The following OCA2 variants were observed in gnomAD, a reference collection of about 807,000 sequenced individuals.
The protein encoded by OCA2 is P protein.
OCA2 carries 77 observed loss-of-function variants against 100.2 expected under a neutral mutation model. The ratio of observed to expected loss-of-function variants is 0.77; its 90% confidence interval spans 0.64 to 0.93. The LOEUF (loss-of-function observed/expected upper bound fraction) is 0.93, where lower values mean the gene tolerates loss of function less well. OCA2 is among the 40% of genes least tolerant of loss of function. The probability of loss-of-function intolerance (pLI) is 0.00; values close to 1 mark genes in which losing one functional copy is unlikely to be tolerated. For synonymous variants in OCA2, 432 were observed against 439.2 expected (o/e 0.98, Z 0.21); for missense variants, 1,062 against 1,089.1 (o/e 0.98, Z 0.35).
At chr15:27,834,833 G>A (rs895072091) in intron 23 of OCA2, among the ~76,000 whole-genome samples, 55 of 152,152 alleles carry the variant, frequency 3.6e-4, no homozygotes, top group African/African-American at 1.3e-3. Flanking sequence ...CGGTAAACAC[G>A]AGGTGCTGCA....
intron 1 of OCA2, among the ~76,000 whole-genome samples, chr15:28,084,676 A>G (rs1032515472): frequency 4.6e-5 from 7 of 152,128 alleles, no homozygotes; most frequent in Non-Finnish European, 2.9e-5. Flanking sequence ...TGCCAAGGTC[A>G]CTCAGTGCAG....
intron 19 of OCA2, among the ~76,000 whole-genome samples, chr15:27,896,848 A>C (rs529750667): frequency 6.6e-6 from 1 of 152,216 alleles, no homozygotes; most frequent in Non-Finnish European, 1.5e-5. Flanking sequence ...GAGAAGCCGA[A>C]TGTTAATTCC....
At position 27,772,570 on chromosome 15, in the gene OCA2, C is replaced by T. The variant is rs144338035; in HGVS notation, c.2433-17098G>A. 7.1e-3 allele frequency among the ~76,000 whole-genome samples: 1,079 copies of T among 151,952 alleles called. 18 individuals carry two copies. The highest frequency in any genetic ancestry group is 0.025 in the African/African-American group (1,029 of 41,448). On this transcript the variant is annotated intron_variant, in intron 23 of 23. Coordinates refer to ENST00000354638, the MANE Select transcript of OCA2 (RefSeq NM_000275.3). ...GAAAATGGAGAGAACTGGCCGGGCA[C>T]GGTGGCTCACGCCTGTAATCCCAGC... is the stretch of plus-strand genomic sequence containing the variant.
At chr15:27,793,174 G>A (rs145200184) in intron 23 of OCA2, among the ~76,000 whole-genome samples, 9 of 152,284 alleles carry the variant, frequency 5.9e-5, no homozygotes, top group African/African-American at 1.7e-4. Flanking sequence ...ACTCAAAGCC[G>A]GCATCATCTA....
intron 18 of OCA2, among the ~76,000 whole-genome samples, chr15:27,933,016 C>G (rs557399881): frequency 6.6e-6 from 1 of 151,948 alleles, no homozygotes; most frequent in African/African-American, 2.4e-5. Flanking sequence ...TATAGAGCCC[C>G]GAAATAAACA....
At chr15:27,815,984 A>T (rs995886581) in intron 23 of OCA2, among the ~76,000 whole-genome samples, 1 of 152,174 alleles carries the variant, frequency 6.6e-6, no homozygotes, top group Non-Finnish European at 1.5e-5. Flanking sequence ...ATACAAAAAA[A>T]TTAGCCAGGC....
In OCA2 at chr15:27,980,252, A is replaced by G. The variant is rs1245346120; in HGVS notation, c.1503+3093T>C. Among the ~76,000 whole-genome samples, 8 of 151,592 alleles carry G rather than the reference A, an allele frequency of 5.3e-5. 1 individual carries two copies. Among genetic ancestry groups the G allele is most frequent in the Non-Finnish European group, 1.2e-4 (8 of 67,870 alleles). ...ACGCCATTCTCCTGCCTCAGCCTCCAGAGTAGCTGGGACTACAGGCACCCA... is the reference window on the plus strand; with the variant it reads ...ACGCCATTCTCCTGCCTCAGCCTCCGGAGTAGCTGGGACTACAGGCACCCA... On this transcript the variant is annotated intron_variant, in intron 14 of 23. Transcript: ENST00000354638.
chr15:27,865,048 C>T (rs970495008), intron 21 of OCA2, among the ~76,000 whole-genome samples: 2 of 151,906 alleles, frequency 1.3e-5, no homozygotes, highest in Non-Finnish European at 2.9e-5. Context: ...ATATCCTGAA[C>T]AAATGTGAAC....
intron 14 of OCA2, among the ~76,000 whole-genome samples, chr15:27,969,441 G>A (rs1175988460): frequency 6.6e-6 from 1 of 152,194 alleles, no homozygotes; most frequent in East Asian, 1.9e-4. Context: ...TTAGGCGCAG[G>A]TATCTGGGAC....
intron 3 of OCA2, among the ~76,000 whole-genome samples, chr15:28,030,106 A>G (rs1180481836): frequency 3.3e-5 from 5 of 152,248 alleles, no homozygotes; most frequent in African/African-American, 1.2e-4. Context: ...TTTTGTCTTA[A>G]AAGTTATTGA....
downstream of OCA2, among the ~76,000 whole-genome samples, chr15:27,750,856 A>T (rs2030042177): frequency 6.6e-6 from 1 of 152,226 alleles, no homozygotes; most frequent in Admixed American, 6.5e-5. Flanking sequence ...GAAGCTTGAC[A>T]TAGAAACCTG....
At chr15:27,864,069 G>A (rs985010518) in intron 21 of OCA2, among the ~76,000 whole-genome samples, 4 of 152,100 alleles carry the variant, frequency 2.6e-5, no homozygotes, top group Non-Finnish European at 2.9e-5. Flanking sequence ...GGCCGGCAGT[G>A]CCCCTCTGAG....
intron 2 of OCA2, among the ~76,000 whole-genome samples, chr15:28,081,133 A>G (rs1566877399): frequency 1.3e-5 from 2 of 152,172 alleles, no homozygotes; most frequent in African/African-American, 4.8e-5. Context: ...ACTATTGGGT[A>G]CCATGCTGAC....
At chr15:27,851,071 G>A (rs924967068) in intron 22 of OCA2, among the ~76,000 whole-genome samples, 5 of 152,206 alleles carry the variant, frequency 3.3e-5, no homozygotes, top group African/African-American at 1.2e-4. Context: ...GATGGCTTCT[G>A]ATTCAAAATC....
At chr15:28,083,008 G>A (rs2044701200) in intron 1 of OCA2, among the ~76,000 whole-genome samples, 1 of 152,198 alleles carries the variant, frequency 6.6e-6, no homozygotes, top group African/African-American at 2.4e-5. Context: ...TGCTGTCCAG[G>A]GTTGCTGGGA....
chr15:27,987,959 A>G (rs1470600856), intron 11 of OCA2, among the ~76,000 whole-genome samples: 1 of 152,216 alleles, frequency 6.6e-6, no homozygotes, highest in Non-Finnish European at 1.5e-5. Context: ...AATATCCACC[A>G]TGTCCAGAGT....
At chr15:28,071,933 A>C (rs2044272308) in intron 2 of OCA2, among the ~76,000 whole-genome samples, 1 of 152,246 alleles carries the variant, frequency 6.6e-6, no homozygotes. Context: ...TAAACTCAAG[A>C]GCTTCTGCAC....
At chr15:27,758,762 C>A (rs2030594979) in intron 23 of OCA2, among the ~76,000 whole-genome samples, 1 of 151,982 alleles carries the variant, frequency 6.6e-6, no homozygotes, top group African/African-American at 2.4e-5. Flanking sequence ...CTTGAAGATA[C>A]AACAACAGAA....
intron 1 of OCA2, among the ~76,000 whole-genome samples, chr15:28,088,312 A>G (rs1238542390): frequency 6.6e-6 from 1 of 152,238 alleles, no homozygotes; most frequent in Admixed American, 6.5e-5. Context: ...TGCAGAGGGA[A>G]TCATCAAGAC....
Sources: allele counts gnomAD v4.1 joint callset (sites outside exome capture counted in the v4.1 genomes callset), GRCh38; gene constraint gnomAD v4.1.1; transcripts MANE v1.5; gene names NCBI Gene and HGNC (gene_info 2026-07-23, HGNC 2026-07-21).